Variants in HEMK2 observed in about 807,000 individuals in gnomAD.
HEMK2 encodes the protein methyltransferase HEMK2.
At chr21:28,629,098 A>G in the HEMK2 span, among the ~76,000 whole-genome samples, 1 of 152,204 alleles carries the variant, frequency 6.6e-6, no homozygotes, top group Non-Finnish European at 1.5e-5. Context: ...CCCCATACAC[A>G]AGGACTTTTA....
chr21:28,826,568 A>G, the HEMK2 span, among the ~76,000 whole-genome samples: 1 of 152,278 alleles, frequency 6.6e-6, no homozygotes, highest in East Asian at 1.9e-4. Context: ...CAGCCTACTA[A>G]TCATGAGAGA....
chr21:28,871,915 T>C, the HEMK2 span, among the ~76,000 whole-genome samples: 1 of 135,096 alleles, frequency 7.4e-6, no homozygotes, highest in Non-Finnish European at 1.7e-5. Context: ...TGTTCAGATT[T>C]TCCTGTTCTT....
the HEMK2 span, among the ~76,000 whole-genome samples, chr21:28,589,176 T>C: frequency 5.9e-5 from 9 of 152,132 alleles, no homozygotes; most frequent in East Asian, 3.8e-4. Context: ...GAGGGTTTAA[T>C]TGGCAAAGTA....
At chr21:28,649,949 C>T in the HEMK2 span, among the ~76,000 whole-genome samples, 1 of 152,052 alleles carries the variant, frequency 6.6e-6, no homozygotes, top group African/African-American at 2.4e-5. Context: ...CAAATATATG[C>T]ATGGGAATGA....
chr21:28,877,146 GAGAGAGAAAGAAAGAGAA>G, the HEMK2 span, among the ~76,000 whole-genome samples: 45 of 124,652 alleles, frequency 3.6e-4, no homozygotes, highest in Non-Finnish European at 6.3e-4. Flanking sequence ...AGAGAAGAGA[GAGAGAGAAAGAAAGAGAA>G]AGAAAGAAAG....
the HEMK2 span, among the ~76,000 whole-genome samples, chr21:28,628,547 G>A: frequency 6.6e-6 from 1 of 152,188 alleles, no homozygotes; most frequent in Non-Finnish European, 1.5e-5. Flanking sequence ...TGCCTCCTGG[G>A]TTCAAGTGAT....
At chr21:28,871,456 T>G in the HEMK2 span, among the ~76,000 whole-genome samples, 1 of 152,146 alleles carries the variant, frequency 6.6e-6, no homozygotes, top group Non-Finnish European at 1.5e-5. Flanking sequence ...GCCCCCATGA[T>G]CCAATCACCT....
chr21:28,654,244 C>A, the HEMK2 span, among the ~76,000 whole-genome samples: 16 of 152,096 alleles, frequency 1.1e-4, no homozygotes, highest in Non-Finnish European at 1.5e-4. Flanking sequence ...TGGGCCATAT[C>A]CTTATAGGCC....
chr21:28,777,933 G>A, the HEMK2 span, among the ~76,000 whole-genome samples: 2 of 152,150 alleles, frequency 1.3e-5, no homozygotes, highest in Non-Finnish European at 2.9e-5. Context: ...AAAATCCCAT[G>A]AGAACCTTTA....
At chr21:28,584,405 G>A in the HEMK2 span, among the ~76,000 whole-genome samples, 2 of 152,248 alleles carry the variant, frequency 1.3e-5, no homozygotes, top group East Asian at 1.9e-4. Context: ...CATAGCTTCT[G>A]AGTATAATTG....
At chr21:28,822,435 C>G in the HEMK2 span, among the ~76,000 whole-genome samples, 2 of 152,032 alleles carry the variant, frequency 1.3e-5, no homozygotes, top group Non-Finnish European at 2.9e-5. Context: ...TGCTGAATTT[C>G]TTGGCTCATG....
the HEMK2 span, among the ~76,000 whole-genome samples, chr21:28,719,958 G>T: frequency 4.6e-5 from 7 of 152,228 alleles, no homozygotes; most frequent in South Asian, 2.1e-4. Flanking sequence ...GCAACATGCT[G>T]CCTTCTTGTT....
At chr21:28,619,093 T>A in the HEMK2 span, among the ~76,000 whole-genome samples, 1 of 152,112 alleles carries the variant, frequency 6.6e-6, no homozygotes, top group Non-Finnish European at 1.5e-5. Context: ...GAAGATAATA[T>A]GAAGACACAG....
the HEMK2 span, among the ~76,000 whole-genome samples, chr21:28,784,465 G>A: frequency 6.6e-6 from 1 of 151,326 alleles, no homozygotes; most frequent in Non-Finnish European, 1.5e-5. Flanking sequence ...CTAGCTCAGG[G>A]ATTGTAAATA....
At chr21:28,661,978 G>A in the HEMK2 span, among the ~76,000 whole-genome samples, 1 of 152,132 alleles carries the variant, frequency 6.6e-6, no homozygotes, top group Non-Finnish European at 1.5e-5. Context: ...CAGAGAGAAA[G>A]TACCATAAAT....
the HEMK2 span, among the ~76,000 whole-genome samples, chr21:28,801,549 C>A: frequency 6.6e-6 from 1 of 151,444 alleles, no homozygotes; most frequent in African/African-American, 2.4e-5. Flanking sequence ...ACATTAAAAG[C>A]CAATCAATAG....
chr21:28,649,004 C>T, the HEMK2 span, among the ~76,000 whole-genome samples: 1 of 147,488 alleles, frequency 6.8e-6, no homozygotes, highest in East Asian at 2.1e-4. Flanking sequence ...TCTCATGGTT[C>T]AATTTCCACC....
the HEMK2 span, among the ~76,000 whole-genome samples, chr21:28,629,275 T>C: frequency 6.6e-6 from 1 of 152,154 alleles, no homozygotes; most frequent in African/African-American, 2.4e-5. Flanking sequence ...AGGAGGTGGG[T>C]GGCAAATTAT....
the HEMK2 span, among the ~76,000 whole-genome samples, chr21:28,710,720 G>A: frequency 6.6e-6 from 1 of 152,178 alleles, no homozygotes; most frequent in Non-Finnish European, 1.5e-5. Flanking sequence ...AGGATGGAAA[G>A]AAAAGGATCA....
Sources: allele counts gnomAD v4.1 joint callset (sites outside exome capture counted in the v4.1 genomes callset), GRCh38; gene constraint gnomAD v4.1.1; transcripts MANE v1.5; gene names NCBI Gene and HGNC (gene_info 2026-07-23, HGNC 2026-07-21).